Variants in CFAP54 observed in about 807,000 individuals in gnomAD.
The protein encoded by CFAP54 is cilia- and flagella-associated protein 54.
In CFAP54, 290 loss-of-function variants were observed where a neutral mutation model predicts 370.4. That is an observed-to-expected ratio of 0.78 (90% CI 0.71 to 0.86). CFAP54 has a LOEUF of 0.86. Ranked by LOEUF, CFAP54 falls within the 40% of genes least tolerant of loss-of-function variation. The pLI is 0.00. For missense variants in CFAP54, 3,399 were observed against 3,528.7 expected, an observed-to-expected ratio of 0.96 and a Z score of 0.93; for synonymous variants, 1,206 against 1,236.5, an observed-to-expected ratio of 0.98 and a Z score of 0.52.
At chr12:96,532,925 G>A (rs138424422) in intron 9 of CFAP54, among the ~76,000 whole-genome samples, 56 of 152,094 alleles carry the variant, frequency 3.7e-4, no homozygotes, top group African/African-American at 1.2e-3. Context: ...CTGGGCCTCC[G>A]TGTTTTCTTT....
At chr12:96,507,196 T>C in intron 4 of CFAP54, 97 bp downstream of exon 4, 1 of 939,716 alleles carries the variant, frequency 1.1e-6, no homozygotes, top group Non-Finnish European at 1.5e-6. Flanking sequence ...ATTTAAAACA[T>C]ACGCATTTCA....
chr12:96,723,421 T>G (rs1957783045), intron 50 of CFAP54, among the ~76,000 whole-genome samples: 1 of 151,972 alleles, frequency 6.6e-6, no homozygotes, highest in South Asian at 2.1e-4. Flanking sequence ...ACCAAGAGAT[T>G]ATGGAACCCT....
chr12:96,673,769 G>A (rs1009190802), intron 39 of CFAP54, among the ~76,000 whole-genome samples: 8 of 152,068 alleles, frequency 5.3e-5, no homozygotes, highest in African/African-American at 1.9e-4. Flanking sequence ...ATTTTCTTTC[G>A]GCATAATGGC....
At chr12:96,786,465 G>A (rs1033759543) in intron 61 of CFAP54, among the ~76,000 whole-genome samples, 8 of 152,138 alleles carry the variant, frequency 5.3e-5, no homozygotes, top group African/African-American at 1.7e-4. Flanking sequence ...ATAGGCATAA[G>A]CCACCGCGCC....
At chr12:96,566,539 AC>A (rs1173308744) in intron 19 of CFAP54, among the ~76,000 whole-genome samples, 1 of 152,136 alleles carries the variant, frequency 6.6e-6, no homozygotes, top group Non-Finnish European at 1.5e-5. Flanking sequence ...GGCTTTAAAA[AC>A]GTGGATACAG....
At chr12:96,769,239 A>C (rs1457281988) in intron 60 of CFAP54, among the ~76,000 whole-genome samples, 1 of 152,228 alleles carries the variant, frequency 6.6e-6, no homozygotes, top group Non-Finnish European at 1.5e-5. Context: ...GATTAAAATT[A>C]TTAAATTCTG....
intron 67 of CFAP54, among the ~76,000 whole-genome samples, chr12:96,872,022 A>G (rs984633812): frequency 6.6e-6 from 1 of 152,130 alleles, no homozygotes; most frequent in African/African-American, 2.4e-5. Context: ...TGAAAAAAGG[A>G]TGGCAAAATT....
At chr12:96,592,787 C>A in intron 24 of CFAP54, 150 bp downstream of exon 24, 1 of 335,096 alleles carries the variant, frequency 3.0e-6, no homozygotes, top group Non-Finnish European at 5.4e-6. Flanking sequence ...TGTGATATTT[C>A]ATATAAGTTT....
intron 2 of CFAP54, 27 bp from the exon 3 acceptor site, chr12:96,503,859 T>A: frequency 1.4e-6 from 2 of 1,459,414 alleles, no homozygotes; most frequent in Non-Finnish European, 1.8e-6. Context: ...ATTTTGGAAC[T>A]TTAATCAAGT....
chr12:96,786,771 A>AT lies in CFAP54; in HGVS notation c.8558dup (p.Leu2854ProfsTer2), dbSNP rs1347360579. On this transcript the variant is annotated frameshift_variant, in exon 62 of 68. Transcript: ENST00000524981. LOFTEE classifies it high-confidence loss of function. The stretch of plus-strand genomic sequence containing the variant: ...TTGATTTTGCGCCAGAAAGAAGTGC[A>AT]TTTTTTCCTTAAAAAATTCTTACAG... 3.3e-6 allele frequency: 5 copies of AT among 1,535,824 alleles called. No homozygotes were observed. The highest frequency in any genetic ancestry group is 1.4e-5 in the African/African-American group (1 of 73,138).
chr12:96,697,499 A>C (rs1354221284), intron 45 of CFAP54, among the ~76,000 whole-genome samples: 1 of 152,142 alleles, frequency 6.6e-6, no homozygotes, highest in Non-Finnish European at 1.5e-5. Flanking sequence ...TCTCTTTCTT[A>C]TTAATAATAT....
rs923947337 is a variant in CFAP54 at position 96,693,780 on chromosome 12, C to T, written c.6323C>T (p.Thr2108Ile). ...YFVSGICQDITRNLEARILKI... is the reference protein window; with the variant it reads ...YFVSGICQDIIRNLEARILKI... ...GTTTCTGGAATTTGTCAAGACATAA[C>T]AAGAAATCTAGAAGCAAGAATCCTC... is the stretch of plus-strand genomic sequence containing the variant. The change falls in exon 45 of 68, where the codon ACA becomes ATA. Residue 2108 changes from threonine (T) to isoleucine (I), a missense_variant. By Grantham distance (89) the Thr-to-Ile change is moderately conservative (BLOSUM62 -1). Transcript: ENST00000524981. 6.3e-7 allele frequency: 1 copy of T among 1,597,880 alleles called. No individual in the cohort carries two copies. The highest frequency in any genetic ancestry group is 1.1e-5 in the South Asian group (1 of 89,992).
At chr12:96,830,927 T>C (rs1038606039) in intron 66 of CFAP54, among the ~76,000 whole-genome samples, 1 of 152,158 alleles carries the variant, frequency 6.6e-6, no homozygotes, top group Admixed American at 6.5e-5. Context: ...CCACCTGCCT[T>C]GGTTTCCCAA....
At chr12:96,862,115 G>C (rs187588587) in intron 67 of CFAP54, among the ~76,000 whole-genome samples, 1 of 152,236 alleles carries the variant, frequency 6.6e-6, no homozygotes, top group Admixed American at 6.5e-5. Context: ...GAAATTTTAT[G>C]TTACTACCTA....
chr12:96,795,248 G>A (rs1373044314), intron 63 of CFAP54, among the ~76,000 whole-genome samples: 2 of 152,150 alleles, frequency 1.3e-5, no homozygotes, highest in Admixed American at 1.3e-4. Context: ...TTTCAAGAGA[G>A]CATCAGCTGA....
At position 96,533,961 on chromosome 12, in the gene CFAP54, T is replaced by C. The variant is rs1391719281; in HGVS notation, c.1527T>C (p.Ile509=). ...SLFESSAVHL[I]YFLQRQDDPE... ...TTGAATCTTCTGCTGTACATCTTAT[T>C]TATTTTCTCCAGGTAATATATGCAA... The change falls in exon 10 of 68, where the codon ATT becomes ATC. Residue 509 remains isoleucine, a synonymous_variant. Coordinates refer to ENST00000524981, the MANE Select transcript of CFAP54 (RefSeq NM_001306084.2). 25 of 1,515,838 alleles carry C rather than the reference T, an allele frequency of 1.6e-5. No homozygotes were observed. Among genetic ancestry groups the C allele is most frequent in the Non-Finnish European group, 2.2e-5 (25 of 1,141,076 alleles). The allele number at this position is 1,515,838 out of a possible 1,614,324, so 93.9% of individuals were successfully genotyped here. A position where few individuals can be genotyped will look rare whatever the true frequency, so the allele number is the denominator to read the frequency against.
intron 1 of CFAP54, among the ~76,000 whole-genome samples, chr12:96,496,606 T>C (rs767765713): frequency 5.5e-4 from 83 of 152,202 alleles, no homozygotes; most frequent in Non-Finnish European, 1.0e-3. Flanking sequence ...GTACTAATCT[T>C]ATAATTTCAT....
At chr12:96,726,594 C>CT (rs1957841198) in intron 50 of CFAP54, among the ~76,000 whole-genome samples, 1 of 151,748 alleles carries the variant, frequency 6.6e-6, no homozygotes, top group African/African-American at 2.4e-5. Context: ...TGCTAGCAGT[C>CT]TATCAATTTT....
intron 65 of CFAP54, among the ~76,000 whole-genome samples, chr12:96,820,917 T>A (rs1356992796): frequency 6.6e-6 from 1 of 152,190 alleles, no homozygotes; most frequent in Non-Finnish European, 1.5e-5. Context: ...TTGCTGAAAT[T>A]GTCCCTAAAT....
Sources: gnomAD v4.1 joint callset for allele counts (sites outside exome capture counted in the v4.1 genomes callset) on GRCh38, gnomAD v4.1.1 for gene constraint, MANE v1.5 for transcripts, NCBI Gene and HGNC (gene_info 2026-07-23, HGNC 2026-07-21) for gene names.